The following LRP6 variants were observed in gnomAD, a reference collection of about 807,000 sequenced individuals.
LRP6 encodes low-density lipoprotein receptor-related protein 6.
Under a neutral mutation model 184.1 loss-of-function variants are expected in LRP6, and 43 were observed. That is an observed-to-expected ratio of 0.23 (90% CI 0.18 to 0.30). The LOEUF (loss-of-function observed/expected upper bound fraction) is 0.30. Ranked by LOEUF, LRP6 falls within the 10% of genes least tolerant of loss-of-function variation. The pLI, the probability that LRP6 is intolerant of heterozygous loss-of-function variation, is 1.00. For missense variants in LRP6, 1,571 were observed against 2,005.3 expected, an observed-to-expected ratio of 0.78 and a Z score of 4.14; for synonymous variants, 719 against 684.9, an observed-to-expected ratio of 1.05 and a Z score of -0.78.
intron 2 of LRP6, among the ~76,000 whole-genome samples, chr12:12,222,954 AACC>A (rs1428750942): frequency 6.6e-6 from 1 of 152,134 alleles, no homozygotes; most frequent in African/African-American, 2.4e-5. Context: ...AATTCAGAAA[AACC>A]ACCAATTAAA....
In LRP6 at chr12:12,257,824, G is replaced by A. The variant is rs569010530; in HGVS notation, c.55+8857C>T. 8.8e-5 allele frequency among the ~76,000 whole-genome samples: 11 copies of A among 125,062 alleles called. No individual in the cohort carries two copies. The South Asian group carries it at 1.9e-3, about 21-fold the overall frequency. 82.0% of individuals were successfully genotyped at this position (125,062 alleles called of 152,430 possible). ...AAAAAAAAAAAATTAAAAATGAGCCGGGCGTGGTAGCACGTGCCTATAGTC... is the reference window on the plus strand; with the variant it reads ...AAAAAAAAAAAATTAAAAATGAGCCAGGCGTGGTAGCACGTGCCTATAGTC... On this transcript the variant is annotated intron_variant, in intron 1 of 22. Transcript: ENST00000261349.
intron 1 of LRP6, among the ~76,000 whole-genome samples, chr12:12,263,353 A>G (rs1364454031): frequency 6.6e-6 from 1 of 151,584 alleles, no homozygotes; most frequent in African/African-American, 2.4e-5. Context: ...AGGTGGGCGG[A>G]TCACGAGGTC....
At position 12,150,891 on chromosome 12, in the gene LRP6, T is replaced by G; in HGVS notation, c.2939A>C (p.Tyr980Ser). ...CATGTTTTGTCGTGAGTCAATCCAATAGAGTTGCTTGTCCAGTGGGTCATA... is the reference window on the plus strand; with the variant it reads ...CATGTTTTGTCGTGAGTCAATCCAAGAGAGTTGCTTGTCCAGTGGGTCATA... ...IDYDPLDKQL[Y>S]WIDSRQNMIR... Residue 980 changes from tyrosine (Y) to serine (S), a missense_variant, in exon 13 of 23, where the codon TAT (tyrosine) becomes TCT (serine). Around this residue, in one of 4 missense-constraint regions of LRP6, gnomAD observed 763 missense variants for 859.5 expected, o/e 0.89. Coordinates refer to ENST00000261349, the MANE Select transcript of LRP6 (RefSeq NM_002336.3). 1 of 1,614,114 alleles carries G rather than the reference T, an allele frequency of 6.2e-7. No homozygotes were observed.
rs1263317548 is a variant in LRP6, at chr12:12,118,434, A to C, written c.*2692T>G. On this transcript the variant is annotated 3_prime_UTR_variant, in exon 23 of 23. Coordinates refer to ENST00000261349, the MANE Select transcript of LRP6 (RefSeq NM_002336.3). ...TCAGTTAGTGCATATATTTTAGGAC[A>C]CATGTTCAAAATAAATACTTTTGCA... The C allele has an allele frequency of 6.6e-6, 1 of 152,258 alleles. No homozygotes were observed. The highest frequency in any genetic ancestry group is 1.5e-5 in the Non-Finnish European group (1 of 68,040). The allele number at this position is 152,258 out of a possible 1,614,324, so 9.4% of individuals were successfully genotyped here. A position where few individuals can be genotyped will look rare whatever the true frequency, so the allele number is the denominator to read the frequency against.
At chr12:12,257,426 A>C (rs1205186794) in intron 1 of LRP6, among the ~76,000 whole-genome samples, 1 of 151,666 alleles carries the variant, frequency 6.6e-6, no homozygotes, top group Non-Finnish European at 1.5e-5. Flanking sequence ...AAAAATACAA[A>C]AAAAATTAGC....
Position 12,244,527 on chromosome 12 carries a change from G to C in LRP6, c.184C>G (p.His62Asp). 2 of 1,614,186 alleles carry C rather than the reference G, an allele frequency of 1.2e-6. No homozygotes were observed. The highest frequency in any genetic ancestry group is 1.7e-6 in the Non-Finnish European group (2 of 1,180,040). ...ACATCACTCCAGTATATCAAGCCAT[G>C]ACTAAACACAAAGTCCACCGCAGCT... ...DAAAVDFVFS[H>D]GLIYWSDVSE... The change falls in exon 2 of 23, where the codon CAT (histidine) becomes GAT (aspartate). Residue 62 changes from histidine (H) to aspartate (D), a missense_variant. Coordinates refer to ENST00000261349, the MANE Select transcript of LRP6 (RefSeq NM_002336.3).
rs900681955 is a variant in LRP6 at position 12,208,578 on chromosome 12, T to C, written c.450-5178A>G. Among the ~76,000 whole-genome samples, 3 of 152,198 alleles carry C rather than the reference T, an allele frequency of 2.0e-5. No individual in the cohort carries two copies. In the East Asian group the frequency reaches 5.8e-4, roughly 29 times the overall value. On this transcript the variant is annotated intron_variant, in intron 2 of 22. Transcript: ENST00000261349. ...TACTTATCAGAGTTTGTAGATAAAC[T>C]ATAAAGAACTCAAAGGTAAAGACTA...
chr12:12,204,840 G>A (rs1267013132), intron 2 of LRP6, among the ~76,000 whole-genome samples: 2 of 149,530 alleles, frequency 1.3e-5, no homozygotes, highest in Non-Finnish European at 3.0e-5. Context: ...GGTGGTGGGT[G>A]CCTGTTATCC....
intron 17 of LRP6, among the ~76,000 whole-genome samples, chr12:12,132,892 T>C (rs1367135022): frequency 6.6e-6 from 1 of 152,194 alleles, no homozygotes; most frequent in African/African-American, 2.4e-5. Context: ...CTTGAAAGAA[T>C]GACTGACAGG....
At chr12:12,153,788 T>C (rs1167267090) in intron 12 of LRP6, among the ~76,000 whole-genome samples, 2 of 152,162 alleles carry the variant, frequency 1.3e-5, no homozygotes, top group East Asian at 1.9e-4. Flanking sequence ...ATTCCCACAA[T>C]GGAGACATCA....
At chr12:12,177,654 A>C (rs900133026) in intron 7 of LRP6, among the ~76,000 whole-genome samples, 5 of 152,198 alleles carry the variant, frequency 3.3e-5, no homozygotes, top group African/African-American at 1.2e-4. Context: ...TATGTAAATA[A>C]AATGACAAAG....
rs559200679 is a variant in LRP6 at position 12,135,997 on chromosome 12, C to T, written c.3608-697G>A. 1.7e-4 allele frequency among the ~76,000 whole-genome samples: 26 copies of T among 152,052 alleles called. 1 individual carries two copies. In the East Asian group the frequency reaches 5.1e-3, roughly 30 times the overall value. ...CTCAGGAGTTCAAGACCAGCCTGGG[C>T]AACACAGTGAAATCCCGTCTCTACT... On this transcript the variant is annotated intron_variant, in intron 16 of 22. Transcript: ENST00000261349.
At chr12:12,166,906 T>G (rs890630821) in intron 7 of LRP6, among the ~76,000 whole-genome samples, 4 of 152,270 alleles carry the variant, frequency 2.6e-5, no homozygotes, top group African/African-American at 9.6e-5. Flanking sequence ...AAGACCAGCC[T>G]GGACAAAATG....
intron 2 of LRP6, among the ~76,000 whole-genome samples, chr12:12,234,898 C>A (rs1864893565): frequency 6.6e-6 from 1 of 150,912 alleles, no homozygotes; most frequent in Admixed American, 6.6e-5. Flanking sequence ...AGAATATACA[C>A]ACGTATCAAC....
At chr12:12,178,115 C>T (rs1279374878) in intron 7 of LRP6, among the ~76,000 whole-genome samples, 1 of 152,004 alleles carries the variant, frequency 6.6e-6, no homozygotes, top group African/African-American at 2.4e-5. Flanking sequence ...TCACTGCAAA[C>T]TAGGAAAATA....
At chr12:12,200,278 T>C (rs1394548395) in intron 3 of LRP6, among the ~76,000 whole-genome samples, 2 of 152,224 alleles carry the variant, frequency 1.3e-5, no homozygotes, top group Admixed American at 1.3e-4. Flanking sequence ...ATCCACATTC[T>C]TCCTGGCAGA....
intron 1 of LRP6, among the ~76,000 whole-genome samples, chr12:12,265,954 T>G (rs1036365860): frequency 6.6e-6 from 1 of 152,134 alleles, no homozygotes; most frequent in Non-Finnish European, 1.5e-5. Flanking sequence ...GACCGGCTCC[T>G]CTTCACACGA....
At position 12,159,977 on chromosome 12, in the gene LRP6, T is replaced by C. The variant is rs1293251416; in HGVS notation, c.2280-13A>G. On this transcript the variant is annotated splice_polypyrimidine_tract_variant and intron_variant, in intron 10 of 22. Coordinates refer to ENST00000261349, the MANE Select transcript of LRP6 (RefSeq NM_002336.3). ...CCAATACATAAATCTAAATTCAAAA[T>C]AATAAATATTTAACATTTCAATTTT... 6.4e-7 allele frequency: 1 copy of C among 1,572,252 alleles called. No individual in the cohort carries two copies. The highest frequency in any genetic ancestry group is 8.7e-7 in the Non-Finnish European group (1 of 1,151,148).
intron 12 of LRP6, among the ~76,000 whole-genome samples, chr12:12,152,228 T>C (rs1256797624): frequency 6.6e-6 from 1 of 152,172 alleles, no homozygotes; most frequent in African/African-American, 2.4e-5. Flanking sequence ...AAGTCCCTTT[T>C]GCCTCCCACC....
Sources: gnomAD v4.1 joint callset for allele counts (sites outside exome capture counted in the v4.1 genomes callset) on GRCh38, gnomAD v4.1.1 for gene constraint, gnomAD v4.1.1 regional missense constraint, MANE v1.5 for transcripts, NCBI Gene and HGNC (gene_info 2026-07-23, HGNC 2026-07-21) for gene names.